Variants in STXBP5L observed in about 807,000 individuals in gnomAD.
STXBP5L encodes syntaxin binding protein 5L.
A neutral mutation model predicts 144.5 loss-of-function variants in STXBP5L; 65 were observed. The observed-to-expected ratio is 0.45, with a 90% CI of 0.37 to 0.55. The LOEUF (loss-of-function observed/expected upper bound fraction) is 0.55. Among genes scored for constraint, STXBP5L ranks in the 20% least tolerant of loss-of-function variants. The pLI, the probability that STXBP5L is intolerant of heterozygous loss-of-function variation, is 0.00. For synonymous variants in STXBP5L, 505 were observed against 469.6 expected, an observed-to-expected ratio of 1.08 and a Z score of -0.97; for missense variants, 1,298 against 1,405.5, an observed-to-expected ratio of 0.92 and a Z score of 1.22.
At chr3:121,160,581 T>C (rs1348588401) in intron 9 of STXBP5L, among the ~76,000 whole-genome samples, 1 of 152,134 alleles carries the variant, frequency 6.6e-6, no homozygotes, top group Non-Finnish European at 1.5e-5. Context: ...GACTTAAGCA[T>C]TTGTGGATTT....
chr3:120,995,860 C>G (rs1029568200), intron 3 of STXBP5L, among the ~76,000 whole-genome samples: 1 of 152,040 alleles, frequency 6.6e-6, no homozygotes, highest in Non-Finnish European at 1.5e-5. Context: ...TTACTATTTC[C>G]TCTCTGAAGT....
At chr3:121,375,558 GA>G (rs1576314828) in intron 20 of STXBP5L, among the ~76,000 whole-genome samples, 3 of 152,176 alleles carry the variant, frequency 2.0e-5, no homozygotes, top group African/African-American at 7.2e-5. Context: ...ATCAGGATAA[GA>G]GAAAAAAACA....
chr3:121,195,868 G>A (rs573715577), intron 9 of STXBP5L, among the ~76,000 whole-genome samples: 2 of 152,276 alleles, frequency 1.3e-5, no homozygotes, highest in African/African-American at 4.8e-5. Flanking sequence ...CCCTGGCCCT[G>A]CCCCCTGGGA....
intron 5 of STXBP5L, among the ~76,000 whole-genome samples, chr3:121,105,135 T>A (rs569812558): frequency 1.3e-5 from 2 of 152,138 alleles, no homozygotes; most frequent in Non-Finnish European, 2.9e-5. Flanking sequence ...CAGTGGCTCA[T>A]GCCTATAATC....
intron 7 of STXBP5L, among the ~76,000 whole-genome samples, chr3:121,140,209 G>A (rs963152170): frequency 6.6e-6 from 1 of 152,030 alleles, no homozygotes; most frequent in Non-Finnish European, 1.5e-5. Context: ...ACCACAGTGA[G>A]CTATCACCTC....
At position 120,977,052 on chromosome 3, in the gene STXBP5L, C is replaced by G. The variant is rs9829791; in HGVS notation, c.287+22015C>G. 4.3e-3 allele frequency among the ~76,000 whole-genome samples: 647 copies of G among 152,114 alleles called. 5 individuals carry two copies. Among genetic ancestry groups the G allele is most frequent in the African/African-American group, 0.015 (617 of 41,464 alleles). On this transcript the variant is annotated intron_variant, in intron 3 of 26. Coordinates refer to ENST00000471454, the MANE Select transcript of STXBP5L (RefSeq NM_001308330.2). ...TTGGGGTGGAGAGTTCTGTAGATGT[C>G]TATTAGGTCCACTTGGTGCAGAGCT...
chr3:121,319,380 G>C (rs2043894591), intron 20 of STXBP5L, among the ~76,000 whole-genome samples: 1 of 152,090 alleles, frequency 6.6e-6, no homozygotes, highest in African/African-American at 2.4e-5. Flanking sequence ...TGGACTTGTA[G>C]AAATTAATTT....
intron 9 of STXBP5L, among the ~76,000 whole-genome samples, chr3:121,171,439 A>T (rs546055766): frequency 9.8e-5 from 15 of 152,312 alleles, no homozygotes; most frequent in African/African-American, 2.9e-4. Context: ...AGATGACATG[A>T]TTTTATATTT....
chr3:121,092,456 G>C (rs574493782), intron 5 of STXBP5L, among the ~76,000 whole-genome samples: 125 of 152,232 alleles, frequency 8.2e-4, no homozygotes, highest in African/African-American at 2.9e-3. Context: ...TTGAGCAGTG[G>C]TTTGTAGTTC....
intron 22 of STXBP5L, among the ~76,000 whole-genome samples, chr3:121,390,832 C>A (rs2046565305): frequency 6.6e-6 from 1 of 152,024 alleles, no homozygotes; most frequent in South Asian, 2.1e-4. Context: ...TCCTTCATTT[C>A]AACCTTGGTG....
intron 3 of STXBP5L, among the ~76,000 whole-genome samples, chr3:120,975,019 G>A (rs1035461559): frequency 1.3e-5 from 2 of 152,024 alleles, no homozygotes; most frequent in Non-Finnish European, 2.9e-5. Flanking sequence ...TTGACTTGGC[G>A]ATGCGGGCTC....
chr3:121,301,647 G>GT (rs1156982972), intron 19 of STXBP5L, among the ~76,000 whole-genome samples: 6 of 152,156 alleles, frequency 3.9e-5, no homozygotes, highest in Non-Finnish European at 7.3e-5. Flanking sequence ...AATGCTTCCA[G>GT]TTTTTGCCCA....
intron 2 of STXBP5L, among the ~76,000 whole-genome samples, chr3:120,917,505 A>C (rs1709161540): frequency 6.6e-6 from 1 of 152,124 alleles, no homozygotes; most frequent in African/African-American, 2.4e-5. Flanking sequence ...AGGGAATGGT[A>C]GGGTGGGGAA....
intron 5 of STXBP5L, among the ~76,000 whole-genome samples, chr3:121,090,188 T>C (rs1273061449): frequency 3.9e-5 from 6 of 152,278 alleles, no homozygotes; most frequent in South Asian, 2.1e-4. Context: ...TTTAAACCCC[T>C]TTTTTAGGTG....
chr3:120,918,315 A>T (rs1320383942), intron 2 of STXBP5L, among the ~76,000 whole-genome samples: 1 of 152,154 alleles, frequency 6.6e-6, no homozygotes, highest in Non-Finnish European at 1.5e-5. Context: ...ATAAGCTAAC[A>T]TATTCACAGG....
At chr3:121,216,958 T>C (rs2048799060) in intron 10 of STXBP5L, among the ~76,000 whole-genome samples, 1 of 152,142 alleles carries the variant, frequency 6.6e-6, no homozygotes. Context: ...CAGGTCGAAC[T>C]TCCTGGTGGC....
At chr3:121,350,389 A>G (rs1038950243) in intron 20 of STXBP5L, among the ~76,000 whole-genome samples, 3 of 152,102 alleles carry the variant, frequency 2.0e-5, no homozygotes, top group South Asian at 4.1e-4. Context: ...GCTGCCCTTA[A>G]CATTTTTTCC....
At chr3:121,155,725 G>T (rs1445888049) in intron 8 of STXBP5L, among the ~76,000 whole-genome samples, 1 of 151,644 alleles carries the variant, frequency 6.6e-6, no homozygotes, top group East Asian at 1.9e-4. Context: ...ACTCAGTAAT[G>T]CACTATATGA....
intron 22 of STXBP5L, 68 bp downstream of exon 22, chr3:121,381,600 CAT>C: frequency 1.3e-6 from 2 of 1,551,760 alleles, no homozygotes; most frequent in Non-Finnish European, 1.7e-6. Context: ...GTATTATAAA[CAT>C]AAATTTGTAT....
Sources: allele counts gnomAD v4.1 joint callset (sites outside exome capture counted in the v4.1 genomes callset), GRCh38; gene constraint gnomAD v4.1.1; transcripts MANE v1.5; gene names NCBI Gene and HGNC (gene_info 2026-07-23, HGNC 2026-07-21).